The following CDH12 variants were observed in gnomAD, a reference collection of about 807,000 sequenced individuals.
The protein encoded by CDH12 is cadherin-12.
A neutral mutation model predicts 74.1 loss-of-function variants in CDH12; 41 were observed. The ratio of observed to expected loss-of-function variants is 0.55; its 90% CI spans 0.43 to 0.72. The LOEUF (loss-of-function observed/expected upper bound fraction) is 0.72, where lower values mean the gene tolerates loss of function less well. CDH12 is among the 30% of genes least tolerant of loss of function. CDH12 has a pLI of 0.00. For synonymous variants in CDH12, 399 were observed against 355.0 expected, an observed-to-expected ratio of 1.12 and a Z score of -1.39; for missense variants, 945 against 977.2, an observed-to-expected ratio of 0.97 and a Z score of 0.44.
At chr5:22,130,085 C>T (rs891139833) in intron 4 of CDH12, among the ~76,000 whole-genome samples, 1 of 150,192 alleles carries the variant, frequency 6.7e-6, no homozygotes, top group Non-Finnish European at 1.5e-5. Flanking sequence ...ATTGAGATAC[C>T]ATATTTTGCC....
chr5:22,338,889 C>T (rs528145116), intron 3 of CDH12, among the ~76,000 whole-genome samples: 13 of 152,122 alleles, frequency 8.5e-5, no homozygotes, highest in Non-Finnish European at 1.9e-4. Flanking sequence ...TGGAAGGGAA[C>T]AAATGGGACC....
At chr5:22,095,492 C>T (rs2150243212) in intron 4 of CDH12, among the ~76,000 whole-genome samples, 1 of 152,238 alleles carries the variant, frequency 6.6e-6, no homozygotes, top group African/African-American at 2.4e-5. Context: ...GAACACCTGC[C>T]TTGGTCCTTC....
chr5:22,849,602 A>G (rs1314398151), intron 1 of CDH12, among the ~76,000 whole-genome samples: 1 of 152,160 alleles, frequency 6.6e-6, no homozygotes, highest in African/African-American at 2.4e-5. Flanking sequence ...TTGAAGAGGC[A>G]AGAGTAACAT....
At chr5:22,271,603 T>C (rs987451161) in intron 3 of CDH12, among the ~76,000 whole-genome samples, 2 of 152,210 alleles carry the variant, frequency 1.3e-5, no homozygotes, top group East Asian at 1.9e-4. Flanking sequence ...TCTATGAAAC[T>C]ATAGCCTTAT....
intron 5 of CDH12, among the ~76,000 whole-genome samples, chr5:21,984,083 C>G (rs1433790555): frequency 6.6e-6 from 1 of 152,090 alleles, no homozygotes. Flanking sequence ...TCTTGAATAC[C>G]TGATAACTCT....
intron 1 of CDH12, among the ~76,000 whole-genome samples, chr5:22,573,343 G>C (rs1739628147): frequency 6.6e-6 from 1 of 151,914 alleles, no homozygotes; most frequent in Admixed American, 6.6e-5. Flanking sequence ...AGAGTTTTAA[G>C]GTAAAACTTG....
At chr5:22,402,890 A>G (rs1057220971) in intron 3 of CDH12, among the ~76,000 whole-genome samples, 2 of 152,322 alleles carry the variant, frequency 1.3e-5, no homozygotes, top group East Asian at 1.9e-4. Context: ...TAGACCCACA[A>G]TGTTTTTGAA....
intron 12 of CDH12, among the ~76,000 whole-genome samples, chr5:21,761,687 C>A (rs1744725435): frequency 6.6e-6 from 1 of 151,704 alleles, no homozygotes; most frequent in Non-Finnish European, 1.5e-5. Context: ...TCTGCACACA[C>A]AGAGACACAG....
intron 1 of CDH12, among the ~76,000 whole-genome samples, chr5:22,731,691 T>C (rs1481228622): frequency 6.6e-6 from 1 of 151,924 alleles, no homozygotes; most frequent in East Asian, 1.9e-4. Context: ...AAATGTTTAA[T>C]TCTTGGAATA....
At chr5:22,778,581 C>T (rs1312144830) in intron 1 of CDH12, among the ~76,000 whole-genome samples, 1 of 152,008 alleles carries the variant, frequency 6.6e-6, no homozygotes, top group Non-Finnish European at 1.5e-5. Context: ...ATGTGTTTGG[C>T]ATCAATAAAG....
intron 3 of CDH12, among the ~76,000 whole-genome samples, chr5:22,398,603 C>T (rs1056313897): frequency 3.9e-5 from 6 of 152,118 alleles, no homozygotes; most frequent in South Asian, 2.1e-4. Context: ...AACACGCATC[C>T]TCTTCTTTTC....
chr5:22,281,900 C>G (rs572082712), intron 3 of CDH12, among the ~76,000 whole-genome samples: 1 of 152,004 alleles, frequency 6.6e-6, no homozygotes, highest in Non-Finnish European at 1.5e-5. Context: ...AAACCAAAAA[C>G]GAGCCCGCAT....
At chr5:22,275,439 T>C (rs1736591826) in intron 3 of CDH12, among the ~76,000 whole-genome samples, 1 of 152,156 alleles carries the variant, frequency 6.6e-6, no homozygotes, top group Admixed American at 6.5e-5. Flanking sequence ...CTCAATCATG[T>C]TATGAAAATG....
chr5:21,769,101 A>G (rs1194951660), intron 11 of CDH12, among the ~76,000 whole-genome samples: 1 of 152,094 alleles, frequency 6.6e-6, no homozygotes, highest in Non-Finnish European at 1.5e-5. Context: ...GAAACAATAA[A>G]TAAAAGGCAG....
In CDH12 at chr5:22,146,451, C is replaced by CAAAATGAA. The variant is rs1349674613; in HGVS notation, c.-187+66039_-187+66046dup. ...TGAATAAATAACAAAGTTGTTAACA[C>CAAAATGAA]AAAATGAATAAATGTTTTGTATAAG... On this transcript the variant is annotated intron_variant, in intron 4 of 14. Transcript: ENST00000382254. Among the ~76,000 whole-genome samples, 11 of 152,048 alleles carry CAAAATGAA rather than the reference C, an allele frequency of 7.2e-5. No individual in the cohort carries two copies. The East Asian group carries it at 2.1e-3, about 29-fold the overall frequency.
intron 4 of CDH12, among the ~76,000 whole-genome samples, chr5:22,163,041 C>A (rs548393986): frequency 6.6e-6 from 1 of 152,066 alleles, no homozygotes; most frequent in African/African-American, 2.4e-5. Context: ...GGATTACAAG[C>A]GCCCGTCACC....
chr5:22,227,498 G>A (rs902567100), intron 3 of CDH12, among the ~76,000 whole-genome samples: 5 of 152,054 alleles, frequency 3.3e-5, no homozygotes, highest in Admixed American at 1.3e-4. Flanking sequence ...TCTTAAGGTT[G>A]ATTAATTCAC....
chr5:22,215,781 T>G (rs1451153444), intron 3 of CDH12, among the ~76,000 whole-genome samples: 1 of 152,124 alleles, frequency 6.6e-6, no homozygotes, highest in Admixed American at 6.5e-5. Flanking sequence ...ATCTACAGGT[T>G]TCTTAAAAGT....
In CDH12 at chr5:22,836,108, C is replaced by T. The variant is rs1442441378; in HGVS notation, c.-523+16950G>A. Among the ~76,000 whole-genome samples, 5 of 150,620 alleles carry T rather than the reference C, an allele frequency of 3.3e-5. No homozygotes were observed. In the Admixed American group the frequency reaches 3.3e-4, roughly 10 times the overall value. ...GGGTGATCTGTGGAATACAAAATTT[C>T]AAATAGTGCAAGAGGATTTGGACAA... is the stretch of plus-strand genomic sequence containing the variant. On this transcript the variant is annotated intron_variant, in intron 1 of 14. Coordinates refer to ENST00000382254, the MANE Select transcript of CDH12 (RefSeq NM_004061.5).
Sources: gnomAD v4.1 joint callset for allele counts (sites outside exome capture counted in the v4.1 genomes callset) on GRCh38, gnomAD v4.1.1 for gene constraint, MANE v1.5 for transcripts, NCBI Gene and HGNC (gene_info 2026-07-23, HGNC 2026-07-21) for gene names.